The following SEMA3B variants were observed in gnomAD, a reference collection of about 807,000 sequenced individuals.
The protein encoded by SEMA3B is semaphorin 3B, also known as semaphorin-3B.
In SEMA3B, 71 loss-of-function variants were observed where a neutral mutation model predicts 77.8. The observed-to-expected ratio is 0.91, with a 90% CI of 0.75 to 1.11. The LOEUF is 1.11. SEMA3B is among the 50% of genes most tolerant of loss of function. The pLI is 0.00. For missense variants in SEMA3B, 968 were observed against 1,056.8 expected (o/e 0.92, Z 1.17); for synonymous variants, 470 against 452.9 (o/e 1.04, Z -0.48).
In SEMA3B at chr3:50,274,216, C is replaced by G; in HGVS notation, c.1138-147C>G. On this transcript the variant is annotated intron_variant, in intron 10 of 16. Transcript: ENST00000616701. The surrounding 1 kb of genome is among the most constrained non-coding windows in gnomAD (Gnocchi z 4.7). ...AGGCTTGTTTCCCGCCTCTGACTTC[C>G]TAGGGCAAGGCTGATCTCCTCTCTA... The G allele has an allele frequency of 7.7e-7, 1 of 1,303,880 alleles. No homozygotes were observed. The highest frequency in any genetic ancestry group is 1.1e-6 in the Non-Finnish European group (1 of 946,974). The allele number at this position is 1,303,880 out of a possible 1,614,324, so 80.8% of individuals were successfully genotyped here.
In SEMA3B at chr3:50,270,389, C is replaced by T. The variant is rs374859724; in HGVS notation, c.268-44C>T. 4.4e-4 allele frequency: 713 copies of T among 1,612,768 alleles called. 1 individual carries two copies. Among genetic ancestry groups the T allele is most frequent in the Non-Finnish European group, 5.8e-4 (680 of 1,179,140 alleles). On this transcript the variant is annotated intron_variant, in intron 2 of 16. Coordinates refer to ENST00000616701, the MANE Select transcript of SEMA3B (RefSeq NM_001290060.2). The surrounding 1 kb of genome is among the most constrained non-coding windows in gnomAD (Gnocchi z 4.7). ...ATGGCTCCCTGAGGTAGAGAATATC[C>T]CAAGTTCCTGACCTGTGTCCCCTCT...
rs1553705299 is a variant in SEMA3B at position 50,271,156 on chromosome 3, G to A, written c.519G>A (p.Arg173=). Residue 173 remains arginine (R), a synonymous_variant, in exon 5 of 17, where the codon AGG becomes AGA. Coordinates refer to ENST00000616701, the MANE Select transcript of SEMA3B (RefSeq NM_001290060.2). Reference sequence around the variant, plus strand: ...AGGGGAAGAGTCCTTATGACCCCAGGCATCGGGCTGCCTCCGTGCTGGTGG... The same window carrying A: ...AGGGGAAGAGTCCTTATGACCCCAGACATCGGGCTGCCTCCGTGCTGGTGG... ...DGKGKSPYDP[R]HRAASVLVGE... The A allele has an allele frequency of 1.3e-6, 2 of 1,580,500 alleles. No homozygotes were observed. Among genetic ancestry groups the A allele is most frequent in the Admixed American group, 3.7e-5 (2 of 54,350 alleles).
At position 50,270,958 on chromosome 3, in the gene SEMA3B, G is replaced by T. The variant is rs963384578; in HGVS notation, c.399G>T (p.Thr133=). The T allele has an allele frequency of 6.2e-7, 1 of 1,611,300 alleles. No individual in the cohort carries two copies. The highest frequency in any genetic ancestry group is 8.5e-7 in the Non-Finnish European group (1 of 1,178,764). Residue 133 remains threonine, a synonymous_variant, in exon 4 of 17, where the codon ACG becomes ACT. Transcript: ENST00000616701. The surrounding 1 kb of genome is among the most constrained non-coding windows in gnomAD (Gnocchi z 4.7). ...YNRTHLLACG[T]GAFHPTCAFV... ...GCACCCATTTGCTGGCCTGTGGCACGGGAGCCTTCCACCCAACCTGTGCCT... is the reference window on the plus strand; with the variant it reads ...GCACCCATTTGCTGGCCTGTGGCACTGGAGCCTTCCACCCAACCTGTGCCT...
Position 50,271,117 on chromosome 3 carries a change from G to C in SEMA3B, c.480G>C (p.Arg160Ser), listed in dbSNP as rs374990134. 22 of 1,584,364 alleles carry C rather than the reference G, an allele frequency of 1.4e-5. No individual in the cohort carries two copies. Among genetic ancestry groups the C allele is most frequent in the African/African-American group, 2.7e-5 (2 of 74,292 alleles). The change falls in exon 5 of 17, where the codon AGG becomes AGC. Residue 160 changes from arginine (R) to serine (S), a missense_variant. By Grantham distance (110) the Arg-to-Ser change is moderately radical. Transcript: ENST00000616701. ...CCGTCCTCCGGCTGGACCCAGGAAGGATAGAGGATGGCAAGGGGAAGAGTC... is the reference window on the plus strand; with the variant it reads ...CCGTCCTCCGGCTGGACCCAGGAAGCATAGAGGATGGCAAGGGGAAGAGTC... ...EEPVLRLDPGRIEDGKGKSPY... is the reference protein window; with the variant it reads ...EEPVLRLDPGSIEDGKGKSPY...
chr3:50,269,411 G>A lies in SEMA3B; in HGVS notation c.109+62G>A. The A allele has an allele frequency of 1.0e-6, 1 of 990,434 alleles. No individual in the cohort carries two copies. The highest frequency in any genetic ancestry group is 2.9e-5 in the Admixed American group (1 of 34,640). The allele number at this position is 990,434 out of a possible 1,614,324, so 61.4% of individuals were successfully genotyped here. A position where few individuals can be genotyped will look rare whatever the true frequency, so the allele number is the denominator to read the frequency against. On this transcript the variant is annotated intron_variant, in intron 1 of 16. Coordinates refer to ENST00000616701, the MANE Select transcript of SEMA3B (RefSeq NM_001290060.2). The surrounding 1 kb of genome is among the most constrained non-coding windows in gnomAD (Gnocchi z 4.0). ...GGTGGGCAGGAAAGGGTCCCCGTATGGCCAGGGGGCTCTGTGTTGGCTGTT... is the reference window on the plus strand; with the variant it reads ...GGTGGGCAGGAAAGGGTCCCCGTATAGCCAGGGGGCTCTGTGTTGGCTGTT...
At chr3:50,260,639 CG>C in the SEMA3B span, 1 of 152,584 alleles carries the variant, frequency 6.6e-6, no homozygotes, top group East Asian at 1.9e-4. Flanking sequence ...GCCAGAGCCC[CG>C]ATGCCCGCCC....
In SEMA3B at chr3:50,270,151, A is replaced by C; in HGVS notation, c.134A>C (p.Gln45Pro). 6.4e-7 allele frequency: 1 copy of C among 1,564,476 alleles called. No homozygotes were observed. The highest frequency in any genetic ancestry group is 8.6e-7 in the Non-Finnish European group (1 of 1,156,246). ...GAGCTCCAGGCCTGGCATGGTCTCCAGACTTTCAGCCTGGAGCGAACCTGC... is the reference window on the plus strand; with the variant it reads ...GAGCTCCAGGCCTGGCATGGTCTCCCGACTTTCAGCCTGGAGCGAACCTGC... ...FQELQAWHGL[Q>P]TFSLERTCCY... Residue 45 changes from glutamine (Q) to proline (P), a missense_variant, in exon 2 of 17, where the codon CAG (glutamine) becomes CCG (proline). Coordinates refer to ENST00000616701, the MANE Select transcript of SEMA3B (RefSeq NM_001290060.2). This position sits in a 1 kb window ranked among gnomAD's most constrained non-coding sequence, Gnocchi z 4.7.
Position 50,269,271 on chromosome 3 carries a change from C to G in SEMA3B, c.31C>G (p.Pro11Ala), listed in dbSNP as rs1553704937. 6.5e-7 allele frequency: 1 copy of G among 1,538,002 alleles called. No homozygotes were observed. The highest frequency in any genetic ancestry group is 8.7e-7 in the Non-Finnish European group (1 of 1,146,658). The change falls in exon 1 of 17, where the codon CCG (proline) becomes GCG (alanine). Residue 11 changes from proline to alanine, a missense_variant. Transcript: ENST00000616701. The surrounding 1 kb of genome is among the most constrained non-coding windows in gnomAD (Gnocchi z 4.0). MGRAGAAAVI[P>A]GLALLWAVGL... is the part of the protein sequence containing the mutation. ...GCGGGCCGGGGCTGCCGCCGTGATC[C>G]CGGGCCTGGCCCTGCTCTGGGCAGT...
At chr3:50,260,853 G>A in the SEMA3B span, 1 of 152,338 alleles carries the variant, frequency 6.6e-6, no homozygotes. Flanking sequence ...GGGCTTCCCT[G>A]AGTGCAGACA....
rs587737921 is a variant in SEMA3B, at chr3:50,270,543, C to A, written c.330+48C>A. The A allele has an allele frequency of 6.2e-7, 1 of 1,610,632 alleles. No homozygotes were observed. Among genetic ancestry groups the A allele is most frequent in the Non-Finnish European group, 8.5e-7 (1 of 1,178,270 alleles). On this transcript the variant is annotated intron_variant, in intron 3 of 16. Coordinates refer to ENST00000616701, the MANE Select transcript of SEMA3B (RefSeq NM_001290060.2). This position sits in a 1 kb window ranked among gnomAD's most constrained non-coding sequence, Gnocchi z 4.7. ...GGGAGTGGGGAGGGTCAGCCCCTCA[C>A]CCCAGAGACAGGGCAGGGCTAAAAC...
chr3:50,274,435 A>T lies in SEMA3B; in HGVS notation c.1210A>T (p.Asn404Tyr), dbSNP rs1701154484. 2 of 1,522,104 alleles carry T rather than the reference A, an allele frequency of 1.3e-6. No homozygotes were observed. The highest frequency in any genetic ancestry group is 2.8e-5 in the African/African-American group (2 of 71,778). The allele number at this position is 1,522,104 out of a possible 1,614,324, so 94.3% of individuals were successfully genotyped here. ...FPDDVIQFAR[N>Y]HPLMYNSVLP... Reference sequence around the variant, plus strand: ...AGACGATGTCATCCAGTTTGCGCGGAACCACCCCCTCATGTACAACTCTGT... The same window carrying T: ...AGACGATGTCATCCAGTTTGCGCGGTACCACCCCCTCATGTACAACTCTGT... Residue 404 changes from asparagine to tyrosine, a missense_variant, in exon 11 of 17, where the codon AAC becomes TAC. By Grantham distance (143) the Asn-to-Tyr change is moderately radical (BLOSUM62 -2). Transcript: ENST00000616701. This position sits in a 1 kb window ranked among gnomAD's most constrained non-coding sequence, Gnocchi z 4.7.
chr3:50,273,235 C>A lies in SEMA3B; in HGVS notation c.665-63C>A. On this transcript the variant is annotated intron_variant, in intron 6 of 16. Coordinates refer to ENST00000616701, the MANE Select transcript of SEMA3B (RefSeq NM_001290060.2). The surrounding 1 kb of genome is among the most constrained non-coding windows in gnomAD (Gnocchi z 6.5). ...CGCACTACGGGAAGGGGAAGCAGCG[C>A]GTGGGTCTCGCATCAGGAGGCAAGG... 1 of 1,553,182 alleles carries A rather than the reference C, an allele frequency of 6.4e-7. No individual in the cohort carries two copies. Among genetic ancestry groups the A allele is most frequent in the Admixed American group, 2.0e-5 (1 of 50,670 alleles).
At position 50,276,017 on chromosome 3, in the gene SEMA3B, C is replaced by T. The variant is rs76183352; in HGVS notation, c.1845+173C>T. 3.3e-3 allele frequency: 3,163 copies of T among 971,836 alleles called. 110 individuals are homozygous for T. The East Asian group carries it at 0.079, about 24-fold the overall frequency. 60.2% of individuals were successfully genotyped at this position (971,836 alleles called of 1,614,324 possible). A position where few individuals can be genotyped will look rare whatever the true frequency, so the allele number is the denominator to read the frequency against. On this transcript the variant is annotated intron_variant, in intron 16 of 16. Transcript: ENST00000616701. The surrounding 1 kb of genome is among the most constrained non-coding windows in gnomAD (Gnocchi z 5.8). ...TGAGGCCCCATTGCGTCCAACGGGG[C>T]TCCCGACCCGCCTCCCCTGAATCAA...
Position 50,269,213 on chromosome 3 carries a change from T to G in SEMA3B, c.-28T>G. 6.7e-7 allele frequency: 1 copy of G among 1,498,996 alleles called. No individual in the cohort carries two copies. Among genetic ancestry groups the G allele is most frequent in the African/African-American group, 1.4e-5 (1 of 72,422 alleles). The allele number at this position is 1,498,996 out of a possible 1,614,324, so 92.9% of individuals were successfully genotyped here. A position where few individuals can be genotyped will look rare whatever the true frequency, so the allele number is the denominator to read the frequency against. On this transcript the variant is annotated 5_prime_UTR_variant, in exon 1 of 17. Transcript: ENST00000616701. The surrounding 1 kb of genome is among the most constrained non-coding windows in gnomAD (Gnocchi z 4.0). Reference sequence around the variant, plus strand: ...AAGGCTCCTCCACACACACACCCGCTGAACCCTGAGCACCCTGAGCTGCTG... The same window carrying G: ...AAGGCTCCTCCACACACACACCCGCGGAACCCTGAGCACCCTGAGCTGCTG...
intron 6 of SEMA3B, among the ~76,000 whole-genome samples, chr3:50,272,485 C>T (rs1392485130): frequency 2.6e-5 from 4 of 151,740 alleles, no homozygotes; most frequent in Admixed American, 6.6e-5. Context: ...CTGAGGCGGG[C>T]GGATCACCTG....
the SEMA3B span, chr3:50,261,697 C>T: frequency 6.6e-6 from 1 of 152,298 alleles, no homozygotes; most frequent in Non-Finnish European, 1.5e-5. Context: ...CTGCCAAGGC[C>T]TGGAAGAAGT....
At chr3:50,263,548 T>TG (rs1173393563), upstream of SEMA3B, among the ~76,000 whole-genome samples, 7 of 140,534 alleles carry the variant, frequency 5.0e-5, no homozygotes, top group African/African-American at 1.9e-4. Flanking sequence ...AGTGGCCCTG[T>TG]GAATGCCAAG....
chr3:50,260,403 G>A, the SEMA3B span: 1 of 152,210 alleles, frequency 6.6e-6, no homozygotes, highest in Non-Finnish European at 1.5e-5. Context: ...CCGTAGCTTC[G>A]GCCGCCGGCA....
At chr3:50,261,638 G>A in the SEMA3B span, 1 of 152,358 alleles carries the variant, frequency 6.6e-6, no homozygotes, top group Non-Finnish European at 1.5e-5. Flanking sequence ...GCAGAAGGGG[G>A]AAAGGGCCCT....
Sources: allele counts gnomAD v4.1 joint callset (sites outside exome capture counted in the v4.1 genomes callset), GRCh38; gene constraint gnomAD v4.1.1; non-coding constraint Gnocchi (gnomAD v3.1); transcripts MANE v1.5; gene names NCBI Gene and HGNC (gene_info 2026-07-23, HGNC 2026-07-21).